ZNF33B: variants seen among roughly 807,000 people sequenced by gnomAD.
ZNF33B encodes the protein zinc finger protein 33B.
In ZNF33B, 29 loss-of-function variants were observed where a neutral mutation model predicts 45.8. The ratio of observed to expected loss-of-function variants is 0.63; its 90% CI spans 0.47 to 0.86. The LOEUF (loss-of-function observed/expected upper bound fraction) is 0.86, where lower values mean the gene tolerates loss of function less well. Among genes scored for constraint, ZNF33B ranks in the 40% least tolerant of loss-of-function variants. The pLI is 0.00. For missense variants in ZNF33B, 831 were observed against 909.9 expected (o/e 0.91, Z 1.12); for synonymous variants, 305 against 307.8 (o/e 0.99, Z 0.10).
At chr10:42,618,550 TG>T (rs898510623) in intron 4 of ZNF33B, among the ~76,000 whole-genome samples, 1 of 152,212 alleles carries the variant, frequency 6.6e-6, no homozygotes, top group African/African-American at 2.4e-5. Context: ...CCATCAAAAA[TG>T]TATGAATAAT....
chr10:42,576,054 C>T (rs1251517694), intron 1 of ZNF33B, among the ~76,000 whole-genome samples: 1 of 151,688 alleles, frequency 6.6e-6, no homozygotes, highest in Non-Finnish European at 1.5e-5. Context: ...CCATGCCCAG[C>T]TAATTTTTGT....
At chr10:42,623,698 A>G (rs535345454) in intron 4 of ZNF33B, among the ~76,000 whole-genome samples, 2 of 152,304 alleles carry the variant, frequency 1.3e-5, no homozygotes, top group Admixed American at 6.5e-5. Flanking sequence ...GTTACTGCTT[A>G]ATGGCAATAC....
intron 4 of ZNF33B, among the ~76,000 whole-genome samples, chr10:42,603,426 A>T (rs1837711997): frequency 6.8e-6 from 1 of 147,298 alleles, no homozygotes; most frequent in Non-Finnish European, 1.5e-5. Flanking sequence ...AGACCAACTG[A>T]AAGTTTACTG....
intron 4 of ZNF33B, among the ~76,000 whole-genome samples, chr10:42,608,472 T>C (rs1385952913): frequency 6.6e-6 from 1 of 152,008 alleles, no homozygotes; most frequent in African/African-American, 2.4e-5. Flanking sequence ...CAGTGGAAAT[T>C]ACAAATCAGT....
chr10:42,638,548 C>T lies in ZNF33B; in HGVS notation c.-119G>A. ...TGAAATCCCGGGACCGCCTCCCACG[C>T]AAAACGTGAGACAAACAAAAGGAAA... On this transcript the variant is annotated 5_prime_UTR_variant, in exon 1 of 5. Transcript: ENST00000359467. The T allele has an allele frequency of 2.1e-6, 1 of 479,114 alleles. No homozygotes were observed. The highest frequency in any genetic ancestry group is 6.2e-5 in the East Asian group (1 of 16,164). 29.7% of individuals were successfully genotyped at this position (479,114 alleles called of 1,614,324 possible). A position where few individuals can be genotyped will look rare whatever the true frequency, so the allele number is the denominator to read the frequency against.
In ZNF33B at chr10:42,632,027, G is replaced by A. The variant is rs1217922730; in HGVS notation, c.155-3C>T. The A allele has an allele frequency of 2.5e-6, 4 of 1,613,730 alleles. No individual in the cohort carries two copies. The highest frequency in any genetic ancestry group is 3.4e-6 in the Non-Finnish European group (4 of 1,179,720). ...CTCTGGTTTGTGAGCACAATACCCT[G>A]TTAACAGGAAATAATTTAGGATTTG... On this transcript the variant is annotated splice_region_variant and splice_polypyrimidine_tract_variant and intron_variant, in intron 3 of 4. Coordinates refer to ENST00000359467, the MANE Select transcript of ZNF33B (RefSeq NM_006955.3).
At chr10:42,625,191 T>C (rs1161333354) in intron 4 of ZNF33B, among the ~76,000 whole-genome samples, 1 of 152,054 alleles carries the variant, frequency 6.6e-6, no homozygotes, top group African/African-American at 2.4e-5. Flanking sequence ...ACTTACAAAG[T>C]TGAGTTTCCC....
chr10:42,594,840 TA>T (rs1837330922), intron 4 of ZNF33B, 141 bp from the exon 5 acceptor site: 2 of 969,900 alleles, frequency 2.1e-6, no homozygotes, highest in Non-Finnish European at 2.8e-6. Context: ...TGCAAGTGCA[TA>T]TTTTTTTGTA....
At chr10:42,608,919 G>A (rs1385668376) in intron 4 of ZNF33B, among the ~76,000 whole-genome samples, 1 of 150,368 alleles carries the variant, frequency 6.7e-6, no homozygotes, top group African/African-American at 2.4e-5. Flanking sequence ...CTAAATGTAG[G>A]GATTAACGAT....
downstream of ZNF33B, among the ~76,000 whole-genome samples, chr10:42,584,152 G>A (rs1473548339): frequency 1.3e-5 from 2 of 152,216 alleles, no homozygotes; most frequent in African/African-American, 2.4e-5. Context: ...GTTGTGCCAG[G>A]AGATCTCTCC....
chr10:42,609,162 T>C (rs1482221775), intron 4 of ZNF33B, among the ~76,000 whole-genome samples: 4 of 152,192 alleles, frequency 2.6e-5, no homozygotes, highest in Non-Finnish European at 5.9e-5. Flanking sequence ...ATGCCTGTAA[T>C]CCTACAACTT....
chr10:42,613,665 G>A (rs1432148117), intron 4 of ZNF33B, among the ~76,000 whole-genome samples: 1 of 152,162 alleles, frequency 6.6e-6, no homozygotes, highest in Admixed American at 6.5e-5. Flanking sequence ...TGATCCATGT[G>A]GTAATAAAGA....
chr10:42,582,789 G>A, intron 1 of ZNF33B: 1 of 220,004 alleles, frequency 4.5e-6, no homozygotes, highest in Non-Finnish European at 9.1e-6. Context: ...CGCTCCTCGG[G>A]AGGACAGCAG....
chr10:42,637,739 T>G (rs1839388381), intron 1 of ZNF33B, among the ~76,000 whole-genome samples: 1 of 152,198 alleles, frequency 6.6e-6, no homozygotes, highest in Non-Finnish European at 1.5e-5. Flanking sequence ...CTCAGCTACC[T>G]GCAACCTCCG....
At chr10:42,636,825 G>A in intron 2 of ZNF33B, 95 bp downstream of exon 2, 1 of 1,569,058 alleles carries the variant, frequency 6.4e-7, no homozygotes, top group Non-Finnish European at 8.8e-7. Context: ...GAGACTCCAT[G>A]TCACAAACAA....
At chr10:42,602,326 T>A (rs1032896235) in intron 4 of ZNF33B, among the ~76,000 whole-genome samples, 7 of 151,064 alleles carry the variant, frequency 4.6e-5, no homozygotes, top group African/African-American at 1.7e-4. Context: ...TTTTTTTTAA[T>A]CTTCTGTGTC....
At chr10:42,615,840 G>A (rs1201310333) in intron 4 of ZNF33B, among the ~76,000 whole-genome samples, 8 of 151,808 alleles carry the variant, frequency 5.3e-5, no homozygotes, top group African/African-American at 1.9e-4. Flanking sequence ...CAGGAGAATC[G>A]CTTGAACCCA....
chr10:42,612,690 T>C (rs898685721), intron 4 of ZNF33B, among the ~76,000 whole-genome samples: 2 of 152,234 alleles, frequency 1.3e-5, no homozygotes, highest in African/African-American at 2.4e-5. Flanking sequence ...CATATGCTTT[T>C]AGGATTAGAG....
intron 4 of ZNF33B, among the ~76,000 whole-genome samples, chr10:42,625,041 TATA>T (rs1838744330): frequency 1.3e-4 from 2 of 15,378 alleles, no homozygotes; most frequent in South Asian, 2.2e-3. Flanking sequence ...TCATATTTTA[TATA>T]TATATATATA....
Sources: gnomAD v4.1 joint callset for allele counts (sites outside exome capture counted in the v4.1 genomes callset) on GRCh38, gnomAD v4.1.1 for gene constraint, MANE v1.5 for transcripts, NCBI Gene and HGNC (gene_info 2026-07-23, HGNC 2026-07-21) for gene names.